Variants in LMBR1 observed in about 807,000 individuals in gnomAD.
The protein encoded by LMBR1 is limb region 1 protein homolog.
A neutral mutation model predicts 73.9 loss-of-function variants in LMBR1; 52 were observed. That is an observed-to-expected ratio of 0.70 (90% CI 0.56 to 0.89). The LOEUF (loss-of-function observed/expected upper bound fraction) is 0.89. Ranked by LOEUF, LMBR1 falls within the 40% of genes least tolerant of loss-of-function variation. The pLI is 0.00. For synonymous variants in LMBR1, 215 were observed against 209.4 expected (o/e 1.03, Z -0.23); for missense variants, 539 against 579.8 (o/e 0.93, Z 0.72).
chr7:156,709,322 A>G (rs1430663259), intron 15 of LMBR1, among the ~76,000 whole-genome samples: 1 of 152,224 alleles, frequency 6.6e-6, no homozygotes, highest in Non-Finnish European at 1.5e-5. Flanking sequence ...AGCTAATTCC[A>G]CTGCCTGCAA....
intron 5 of LMBR1, among the ~76,000 whole-genome samples, chr7:156,782,079 T>A (rs766666956): frequency 6.6e-6 from 1 of 152,238 alleles, no homozygotes; most frequent in Non-Finnish European, 1.5e-5. Context: ...GAGAATCATA[T>A]AGAATTTGTC....
rs1218850332 is a variant in LMBR1, at chr7:156,791,104, C to T, written c.423+5285G>A. On this transcript the variant is annotated intron_variant, in intron 5 of 16. Transcript: ENST00000353442. ...AGGTGTTGGGAAAATCAAATTAACA[C>T]GTAACAATAGTTAGTGAGATATGGC... Among the ~76,000 whole-genome samples, 1 of 152,032 alleles carries T rather than the reference C, an allele frequency of 6.6e-6. No individual in the cohort carries two copies. The highest frequency in any genetic ancestry group is 1.5e-5 in the Non-Finnish European group (1 of 68,000).
chr7:156,749,538 AG>A (rs1410038234), intron 9 of LMBR1, among the ~76,000 whole-genome samples: 1 of 152,198 alleles, frequency 6.6e-6, no homozygotes, highest in Non-Finnish European at 1.5e-5. Flanking sequence ...TTCTACAAAA[AG>A]CTTGTATAAG....
chr7:156,818,698 C>T (rs576279620), intron 4 of LMBR1, among the ~76,000 whole-genome samples: 2 of 152,244 alleles, frequency 1.3e-5, no homozygotes, highest in Admixed American at 6.5e-5. Context: ...TTTTTATCAC[C>T]CCCAAAAGGA....
intron 2 of LMBR1, among the ~76,000 whole-genome samples, 182 bp from the exon 3 acceptor site, chr7:156,833,974 T>C (rs1837158904): frequency 6.6e-6 from 1 of 152,184 alleles, no homozygotes; most frequent in Non-Finnish European, 1.5e-5. Context: ...TCAAGTAGTA[T>C]GGTATATAGA....
chr7:156,737,219 T>A (rs1039994746), intron 9 of LMBR1, among the ~76,000 whole-genome samples: 4 of 152,214 alleles, frequency 2.6e-5, no homozygotes, highest in African/African-American at 9.6e-5. Context: ...TTTGATTAAG[T>A]ATAAAAAATC....
intron 4 of LMBR1, among the ~76,000 whole-genome samples, chr7:156,672,746 G>C (rs1002165878): frequency 6.6e-6 from 1 of 152,164 alleles, no homozygotes; most frequent in Non-Finnish European, 1.5e-5. Context: ...TATGTGGCCC[G>C]CACACTTACT....
At chr7:156,712,952 C>T (rs1341328369) in intron 15 of LMBR1, among the ~76,000 whole-genome samples, 1 of 152,192 alleles carries the variant, frequency 6.6e-6, no homozygotes, top group Non-Finnish European at 1.5e-5. Flanking sequence ...GCCCTGACTA[C>T]ACCATTACAC....
intron 10 of LMBR1, among the ~76,000 whole-genome samples, chr7:156,730,119 A>C (rs974968994): frequency 6.6e-6 from 1 of 152,246 alleles, no homozygotes; most frequent in Admixed American, 6.5e-5. Context: ...CAACAGAGCC[A>C]AGAGGACAGA....
chr7:156,834,916 C>T (rs1387904133), intron 2 of LMBR1, among the ~76,000 whole-genome samples: 1 of 151,250 alleles, frequency 6.6e-6, no homozygotes, highest in Non-Finnish European at 1.5e-5. Flanking sequence ...CAGAGGCAGG[C>T]GGATCACAAG....
At chr7:156,839,679 G>A (rs750445204) in intron 1 of LMBR1, among the ~76,000 whole-genome samples, 2 of 152,090 alleles carry the variant, frequency 1.3e-5, no homozygotes, top group African/African-American at 2.4e-5. Context: ...AATGACAAAC[G>A]GAGAATGAAG....
At chr7:156,706,693 AAC>A (rs1811006252) in intron 15 of LMBR1, among the ~76,000 whole-genome samples, 1 of 152,158 alleles carries the variant, frequency 6.6e-6, no homozygotes, top group Non-Finnish European at 1.5e-5. Context: ...TGAAAATGGA[AAC>A]ACAACATACT....
At chr7:156,711,185 C>T (rs1812013611) in intron 15 of LMBR1, among the ~76,000 whole-genome samples, 2 of 152,080 alleles carry the variant, frequency 1.3e-5, no homozygotes, top group African/African-American at 2.4e-5. Flanking sequence ...TGGCGCACAC[C>T]TGTGGTCCCA....
intron 4 of LMBR1, chr7:156,822,869 A>G (rs28667357): frequency 0.46 from 69,366 of 152,014 alleles, 15,999 homozygotes; most frequent in East Asian, 0.61. Flanking sequence ...CCAGCATTTC[A>G]GAGGCCGAAG....
intron 15 of LMBR1, among the ~76,000 whole-genome samples, chr7:156,689,384 T>A (rs1293516465): frequency 6.6e-6 from 1 of 152,210 alleles, no homozygotes; most frequent in African/African-American, 2.4e-5. Flanking sequence ...ATTTAAGGAT[T>A]TTTATGGGTG....
At chr7:156,703,309 A>G (rs1810202555) in intron 15 of LMBR1, among the ~76,000 whole-genome samples, 2 of 152,226 alleles carry the variant, frequency 1.3e-5, no homozygotes, top group African/African-American at 4.8e-5. Flanking sequence ...GAACTCCTGC[A>G]GCCAGAACTG....
At chr7:156,674,714 T>C (rs1463761962), downstream of LMBR1, among the ~76,000 whole-genome samples, 2 of 152,222 alleles carry the variant, frequency 1.3e-5, no homozygotes, top group African/African-American at 4.8e-5. Flanking sequence ...CAAAGTACTG[T>C]ATTCAATTAA....
At chr7:156,856,686 A>G in intron 1 of LMBR1, among the ~76,000 whole-genome samples, 1 of 152,148 alleles carries the variant, frequency 6.6e-6, no homozygotes, top group East Asian at 1.9e-4. Context: ...AGCCTAGGCG[A>G]CAGAGTGAGA....
At chr7:156,876,832 GA>G (rs1373590794) in intron 1 of LMBR1, among the ~76,000 whole-genome samples, 4 of 152,204 alleles carry the variant, frequency 2.6e-5, no homozygotes, top group African/African-American at 9.6e-5. Flanking sequence ...GTGCTAAGAG[GA>G]AAGTTCATAG....
Sources: gnomAD v4.1 joint callset for allele counts (sites outside exome capture counted in the v4.1 genomes callset) on GRCh38, gnomAD v4.1.1 for gene constraint, MANE v1.5 for transcripts, NCBI Gene and HGNC (gene_info 2026-07-23, HGNC 2026-07-21) for gene names.